ABCC6: variants seen among roughly 807,000 people sequenced by gnomAD.
ABCC6 encodes the protein ATP-binding cassette sub-family C member 6.
In ABCC6, 126 loss-of-function variants were observed where a neutral mutation model predicts 169.5. The ratio of observed to expected loss-of-function variants is 0.74; its 90% CI spans 0.64 to 0.86. ABCC6 has a LOEUF of 0.86. Ranked by LOEUF, ABCC6 falls within the 40% of genes least tolerant of loss-of-function variation. ABCC6 has a pLI of 0.00. For missense variants in ABCC6, 1,733 were observed against 1,927.2 expected, an observed-to-expected ratio of 0.90 and a Z score of 1.89; for synonymous variants, 752 against 814.7, an observed-to-expected ratio of 0.92 and a Z score of 1.31.
At chr16:16,160,233 C>G (rs191041685) in intron 25 of ABCC6, among the ~76,000 whole-genome samples, 1 of 152,170 alleles carries the variant, frequency 6.6e-6, no homozygotes, top group Non-Finnish European at 1.5e-5. Flanking sequence ...CACTGCCACC[C>G]AACATGCTCC....
Position 16,177,299 on chromosome 16 carries a change from G to C in ABCC6, c.2590+153C>G. ...TGTTATCGGCTATTCTTGGAGAAAG[G>C]TGACCTATTAAGAGAGCTGTCTGCT... is the stretch of plus-strand genomic sequence containing the variant. On this transcript the variant is annotated intron_variant, in intron 19 of 30. Transcript: ENST00000205557. The C allele has an allele frequency of 1.2e-5, 10 of 824,854 alleles. 1 individual carries two copies. In the South Asian group the frequency reaches 1.4e-4, roughly 12 times the overall value. 51.1% of individuals were successfully genotyped at this position (824,854 alleles called of 1,614,324 possible). A position where few individuals can be genotyped will look rare whatever the true frequency, so the allele number is the denominator to read the frequency against.
At chr16:16,179,434 G>A (rs896038132) in intron 17 of ABCC6, among the ~76,000 whole-genome samples, 2 of 152,128 alleles carry the variant, frequency 1.3e-5, no homozygotes, top group South Asian at 2.1e-4. Context: ...ATACCTGTAG[G>A]GCAGTGGTCC....
Position 16,190,348 on chromosome 16 carries a change from T to C in ABCC6, c.1451A>G (p.Lys484Arg), listed in dbSNP as rs2047808331. 1.9e-6 allele frequency: 3 copies of C among 1,614,150 alleles called. No homozygotes were observed. Among genetic ancestry groups the C allele is most frequent in the Non-Finnish European group, 2.5e-6 (3 of 1,180,044 alleles). Residue 484 changes from lysine to arginine, a missense_variant, in exon 12 of 31, where the codon AAG becomes AGG. Physicochemically the swap from Lys to Arg is conservative, Grantham distance 26. Around this residue, in one of 5 missense-constraint regions of ABCC6, gnomAD observed 1,601 missense variants for 1,635.5 expected, o/e 0.98. Transcript: ENST00000205557. ...GCTGGTGAGCCGTGCCCGTGAGTCC[T>C]TCTGCCTCATTTGCTCCTCCTGGGA... The part of the protein sequence containing the change: ...NHHQEEQMRQ[K>R]DSRARLTSSI...
Position 16,203,297 on chromosome 16 carries a change from T to A in ABCC6, c.998+113A>T. 3 of 1,535,224 alleles carry A rather than the reference T, an allele frequency of 2.0e-6. 1 individual carries two copies. The highest frequency in any genetic ancestry group is 1.2e-5 in the South Asian group (1 of 85,556). ...TGTCCTTCTCACCCACCATCCAGTG[T>A]CCCGAGCACCAGACGTATAGGCAGA... On this transcript the variant is annotated intron_variant, in intron 8 of 30. Transcript: ENST00000205557.
At chr16:16,190,468 A>C (rs1396806670) in intron 11 of ABCC6, 101 bp from the exon 12 acceptor site, 17 of 1,331,500 alleles carry the variant, frequency 1.3e-5, no homozygotes, top group Non-Finnish European at 1.5e-5. Context: ...CATCTCACCA[A>C]ACTGCGTCCC....
intron 9 of ABCC6, 126 bp downstream of exon 9, chr16:16,201,875 A>G: frequency 1.9e-6 from 2 of 1,026,940 alleles, no homozygotes; most frequent in Non-Finnish European, 3.0e-6. Flanking sequence ...GGAAGTGAGA[A>G]TGTATGGTGA....
chr16:16,150,673 C>T lies in ABCC6; in HGVS notation c.4308G>A (p.Thr1436=), dbSNP rs769879386. 35 of 1,613,398 alleles carry T rather than the reference C, an allele frequency of 2.2e-5. No homozygotes were observed. Among genetic ancestry groups the T allele is most frequent in the Admixed American group, 8.3e-5 (5 of 59,940 alleles). The change falls in exon 30 of 31, where the codon ACG becomes ACA. Residue 1436 remains threonine, a synonymous_variant. Coordinates refer to ENST00000205557, the MANE Select transcript of ABCC6 (RefSeq NM_001171.6). ...CGAGCATGGCCTGCATCTGCAGCTCCGTGCCAGGGTCCACGGCAGCAGTAG... is the reference window on the plus strand; with the variant it reads ...CGAGCATGGCCTGCATCTGCAGCTCTGTGCCAGGGTCCACGGCAGCAGTAG... ...DEATAAVDPG[T]ELQMQAMLGS...
chr16:16,208,225 A>G (rs995806949), intron 7 of ABCC6, among the ~76,000 whole-genome samples: 1 of 152,144 alleles, frequency 6.6e-6, no homozygotes, highest in African/African-American at 2.4e-5. Flanking sequence ...GCGTTCTGGG[A>G]GGAACCATAT....
intron 11 of ABCC6, among the ~76,000 whole-genome samples, chr16:16,191,936 G>C (rs1412507782): frequency 6.6e-6 from 1 of 152,218 alleles, no homozygotes; most frequent in Non-Finnish European, 1.5e-5. Context: ...AAAGCTTCCA[G>C]TTAAGGAAAA....
intron 30 of ABCC6, 71 bp from the exon 31 acceptor site, chr16:16,150,312 G>T: frequency 6.2e-7 from 1 of 1,604,870 alleles, no homozygotes. Flanking sequence ...TGAGAGCCCA[G>T]TGTGTCTGCG....
chr16:16,150,914 C>G, intron 29 of ABCC6, 142 bp from the exon 30 acceptor site: 1 of 1,493,732 alleles, frequency 6.7e-7, no homozygotes. Context: ...GGTCTGGGGT[C>G]TGTGGTCTGC....
At chr16:16,178,040 G>A (rs1264504396) in intron 18 of ABCC6, among the ~76,000 whole-genome samples, 3 of 149,372 alleles carry the variant, frequency 2.0e-5, no homozygotes, top group Admixed American at 6.7e-5. Context: ...AAAAAAAAAT[G>A]TACGGCCGAG....
In ABCC6 at chr16:16,203,473, A is replaced by T; in HGVS notation, c.935T>A (p.Leu312His). 2 of 1,613,962 alleles carry T rather than the reference A, an allele frequency of 1.2e-6. No homozygotes were observed. The highest frequency in any genetic ancestry group is 1.7e-6 in the Non-Finnish European group (2 of 1,179,860). ...AIWQVFHSTF[L>H]LGTLSLIISD... ...GATGATGAGGCTGAGGGTCCCCAGGAGGAAGGTAGAATGGAACACCTGCCA... is the reference window on the plus strand; with the variant it reads ...GATGATGAGGCTGAGGGTCCCCAGGTGGAAGGTAGAATGGAACACCTGCCA... Residue 312 changes from leucine to histidine, a missense_variant, in exon 8 of 31, where the codon CTC becomes CAC. Physicochemically the swap from Leu to His is moderately conservative, Grantham distance 99 (BLOSUM62 -3). This residue lies in a region of ABCC6 where 1,601 missense variants were observed against 1,635.5 expected (regional missense o/e 0.98). Transcript: ENST00000205557.
rs774597736 is a variant in ABCC6, at chr16:16,202,022, G to A, written c.1155C>T (p.Ile385=). The A allele has an allele frequency of 6.6e-5, 107 of 1,613,896 alleles. No individual in the cohort carries two copies. The highest frequency in any genetic ancestry group is 8.6e-5 in the Non-Finnish European group (102 of 1,179,890). ...TCACCTTTCTGTACACCAGGCCAGT[G>A]ATGGCCGACCGCAACCTCATCTGCA... ...KVLQMRLRSA[I]TGLVYRKVLA... is the part of the protein sequence containing the mutation. The change falls in exon 9 of 31, where the codon ATC becomes ATT. Residue 385 remains isoleucine (I), a synonymous_variant. Coordinates refer to ENST00000205557, the MANE Select transcript of ABCC6 (RefSeq NM_001171.6).
intron 29 of ABCC6, among the ~76,000 whole-genome samples, chr16:16,153,036 C>G (rs115094162): frequency 0.011 from 1,700 of 152,186 alleles, 13 homozygotes; most frequent in South Asian, 0.037. Flanking sequence ...TCCCACGTAA[C>G]TGGGATTACA....
At chr16:16,150,841 A>T in intron 29 of ABCC6, 69 bp from the exon 30 acceptor site, 1 of 1,576,256 alleles carries the variant, frequency 6.3e-7, no homozygotes, top group South Asian at 1.2e-5. Flanking sequence ...GGGTGTGCCC[A>T]GAAACAGGTC....
chr16:16,197,513 C>T (rs559586215), intron 10 of ABCC6, among the ~76,000 whole-genome samples: 11 of 143,492 alleles, frequency 7.7e-5, no homozygotes, highest in Non-Finnish European at 1.1e-4. Flanking sequence ...AGAGGGAGGA[C>T]GGTAGAGGAG....
chr16:16,170,655 G>A (rs2047029829), intron 21 of ABCC6, among the ~76,000 whole-genome samples: 1 of 151,986 alleles, frequency 6.6e-6, no homozygotes, highest in African/African-American at 2.4e-5. Context: ...AGGAGGGGTG[G>A]CTCATACCTG....
chr16:16,217,580 G>A (rs1395109764), intron 4 of ABCC6, among the ~76,000 whole-genome samples: 2 of 152,212 alleles, frequency 1.3e-5, no homozygotes, highest in Non-Finnish European at 2.9e-5. Context: ...CCATCACTGT[G>A]AACTCTTGTG....
Sources: gnomAD v4.1 joint callset for allele counts (sites outside exome capture counted in the v4.1 genomes callset) on GRCh38, gnomAD v4.1.1 for gene constraint, gnomAD v4.1.1 regional missense constraint, MANE v1.5 for transcripts, NCBI Gene and HGNC (gene_info 2026-07-23, HGNC 2026-07-21) for gene names.